FLRT2: variants seen among roughly 807,000 people sequenced by gnomAD.
The protein encoded by FLRT2 is leucine-rich repeat transmembrane protein FLRT2.
A neutral mutation model predicts 40.0 loss-of-function variants in FLRT2; 15 were observed. That is an observed-to-expected ratio of 0.38 (90% confidence interval 0.25 to 0.58). The LOEUF is 0.58. Among genes scored for constraint, FLRT2 ranks in the 20% least tolerant of loss-of-function variants. FLRT2 has a pLI of 0.71. For synonymous variants in FLRT2, 380 were observed against 336.8 expected (o/e 1.13, Z -1.41); for missense variants, 726 against 840.0 (o/e 0.86, Z 1.68).
intron 1 of FLRT2, among the ~76,000 whole-genome samples, chr14:85,575,777 C>A (rs546596799): frequency 1.3e-5 from 2 of 152,318 alleles, no homozygotes; most frequent in African/African-American, 4.8e-5. Context: ...TTGCCCTTCA[C>A]CCAGCTCCTG....
intron 1 of FLRT2, among the ~76,000 whole-genome samples, chr14:85,532,270 G>C (rs1390781323): frequency 1.3e-5 from 2 of 152,168 alleles, no homozygotes; most frequent in Non-Finnish European, 2.9e-5. Flanking sequence ...GGCGCGTCTC[G>C]GCGTAGCTCT....
chr14:85,613,426 A>C (rs941101491), intron 1 of FLRT2, among the ~76,000 whole-genome samples: 1 of 152,178 alleles, frequency 6.6e-6, no homozygotes. Flanking sequence ...TACAAAGGTC[A>C]TCTAGTTTCT....
At position 85,636,396 on chromosome 14, in the gene FLRT2, A is replaced by G. The variant is rs1224868718; in HGVS notation, c.*12899A>G. The G allele has an allele frequency of 1.5e-5, 2 of 136,630 alleles. No homozygotes were observed. The highest frequency in any genetic ancestry group is 3.3e-5 in the Non-Finnish European group (2 of 61,024). The allele number at this position is 136,630 out of a possible 1,614,324, so 8.5% of individuals were successfully genotyped here. On this transcript the variant is annotated 3_prime_UTR_variant, in exon 2 of 2. Transcript: ENST00000330753. ...AAAGGTGAAGTCACCTGCAGAAAAA[A>G]AAAAAAAAAAAACAAAAAACATTCT...
chr14:85,556,482 T>C (rs1889971826), intron 1 of FLRT2, among the ~76,000 whole-genome samples: 1 of 152,200 alleles, frequency 6.6e-6, no homozygotes, highest in Non-Finnish European at 1.5e-5. Context: ...GAAGCCACAT[T>C]CAACCCTGTA....
chr14:85,650,844 C>A lies in FLRT2; in HGVS notation c.*27347C>A, dbSNP rs944491091. 6.6e-6 allele frequency: 1 copy of A among 150,968 alleles called. No individual in the cohort carries two copies. Among genetic ancestry groups the A allele is most frequent in the African/African-American group, 2.4e-5 (1 of 41,098 alleles). 9.4% of individuals were successfully genotyped at this position (150,968 alleles called of 1,614,324 possible). On this transcript the variant is annotated 3_prime_UTR_variant, in exon 2 of 2. Transcript: ENST00000330753. ...TCTTTGCAATAATTATTAAAATTTT[C>A]TTTTTCTTTTCTTTTTTTAAGAGAC...
chr14:85,577,987 T>C (rs1422344626), intron 1 of FLRT2, among the ~76,000 whole-genome samples: 2 of 151,560 alleles, frequency 1.3e-5, no homozygotes, highest in Admixed American at 6.6e-5. Context: ...TCTCTGGAGA[T>C]TGTGTCAAAC....
chr14:85,605,332 C>T (rs1892557332), intron 1 of FLRT2, among the ~76,000 whole-genome samples: 1 of 152,140 alleles, frequency 6.6e-6, no homozygotes, highest in Non-Finnish European at 1.5e-5. Context: ...TGAGTTTTGC[C>T]TCAAAAAGTC....
rs377192146 is a variant in FLRT2 at position 85,628,419 on chromosome 14, C to T, written c.*4922C>T. On this transcript the variant is annotated 3_prime_UTR_variant, in exon 2 of 2. Coordinates refer to ENST00000330753, the MANE Select transcript of FLRT2 (RefSeq NM_013231.6). ...TCACCCAAAGTGCTGGGAGTACAGG[C>T]AGAGGACACCATGCCCAGCCACGCT... 6.6e-6 allele frequency: 1 copy of T among 152,140 alleles called. No homozygotes were observed. Among genetic ancestry groups the T allele is most frequent in the Non-Finnish European group, 1.5e-5 (1 of 68,038 alleles). 9.4% of individuals were successfully genotyped at this position (152,140 alleles called of 1,614,324 possible).
At chr14:85,543,669 C>T (rs945739184) in intron 1 of FLRT2, among the ~76,000 whole-genome samples, 1 of 152,138 alleles carries the variant, frequency 6.6e-6, no homozygotes, top group African/African-American at 2.4e-5. Context: ...CATTGTTCAG[C>T]ACCCATCCCC....
At chr14:85,614,908 G>T (rs1238289725) in intron 1 of FLRT2, among the ~76,000 whole-genome samples, 1 of 152,190 alleles carries the variant, frequency 6.6e-6, no homozygotes, top group South Asian at 2.1e-4. Flanking sequence ...TGGATTGAAA[G>T]TACATAGACA....
At chr14:85,601,950 T>C (rs1413498331) in intron 1 of FLRT2, among the ~76,000 whole-genome samples, 2 of 152,118 alleles carry the variant, frequency 1.3e-5, no homozygotes, top group Non-Finnish European at 2.9e-5. Flanking sequence ...CTTCTGGAAG[T>C]CAGGTGGGAG....
At position 85,630,525 on chromosome 14, in the gene FLRT2, G is replaced by A. The variant is rs1051129048; in HGVS notation, c.*7028G>A. The A allele has an allele frequency of 2.6e-5, 4 of 152,266 alleles. No homozygotes were observed. The highest frequency in any genetic ancestry group is 9.6e-5 in the African/African-American group (4 of 41,550). The allele number at this position is 152,266 out of a possible 1,614,324, so 9.4% of individuals were successfully genotyped here. ...GCAAATATTTACCGAGGCCTGGTAA[G>A]TTCTGGTGCAGAATAAGAATGTTTT... is the stretch of plus-strand genomic sequence containing the variant. On this transcript the variant is annotated 3_prime_UTR_variant, in exon 2 of 2. Transcript: ENST00000330753.
At chr14:85,556,315 G>A (rs1889961585) in intron 1 of FLRT2, among the ~76,000 whole-genome samples, 1 of 152,148 alleles carries the variant, frequency 6.6e-6, no homozygotes, top group South Asian at 2.1e-4. Context: ...CCTTTAATGG[G>A]CTCTATCCTA....
At chr14:85,583,456 A>G (rs1891478538) in intron 1 of FLRT2, among the ~76,000 whole-genome samples, 1 of 152,298 alleles carries the variant, frequency 6.6e-6, no homozygotes, top group East Asian at 1.9e-4. Context: ...ACTCTGTCCC[A>G]TGAACAGAAT....
intron 1 of FLRT2, among the ~76,000 whole-genome samples, chr14:85,615,941 T>C (rs1012765417): frequency 2.6e-5 from 4 of 152,204 alleles, no homozygotes; most frequent in Non-Finnish European, 4.4e-5. Flanking sequence ...GCTCCTGGAA[T>C]TAATTAGAAA....
In FLRT2 at chr14:85,654,175, C is replaced by G. The variant is rs966809926; in HGVS notation, c.*30678C>G. 15 of 151,946 alleles carry G rather than the reference C, an allele frequency of 9.9e-5. No individual in the cohort carries two copies. The highest frequency in any genetic ancestry group is 4.4e-5 in the Non-Finnish European group (3 of 68,002). 9.4% of individuals were successfully genotyped at this position (151,946 alleles called of 1,614,324 possible). On this transcript the variant is annotated 3_prime_UTR_variant, in exon 2 of 2. Transcript: ENST00000330753. ...GTTCCTGGTGGAATGAAAAGACTGT[C>G]TTTTTTTAATTGTGATTTGTTTATG...
intron 1 of FLRT2, among the ~76,000 whole-genome samples, chr14:85,550,230 T>C (rs1321957529): frequency 6.6e-6 from 1 of 152,062 alleles, no homozygotes; most frequent in African/African-American, 2.4e-5. Context: ...AACGAGAAAA[T>C]AGCCACATTC....
chr14:85,544,818 C>T (rs1177168229), intron 1 of FLRT2, among the ~76,000 whole-genome samples: 1 of 152,154 alleles, frequency 6.6e-6, no homozygotes, highest in Non-Finnish European at 1.5e-5. Context: ...ATTTGATGGA[C>T]AAAGTTGACT....
chr14:85,584,053 GATTT>G (rs1314926702), intron 1 of FLRT2, among the ~76,000 whole-genome samples: 1 of 152,046 alleles, frequency 6.6e-6, no homozygotes, highest in Non-Finnish European at 1.5e-5. Context: ...CTTGCAATAG[GATTT>G]ATTTATTTAT....
Sources: allele counts gnomAD v4.1 joint callset (sites outside exome capture counted in the v4.1 genomes callset), GRCh38; gene constraint gnomAD v4.1.1; transcripts MANE v1.5; gene names NCBI Gene and HGNC (gene_info 2026-07-23, HGNC 2026-07-21).